The following KDM4C variants were observed in gnomAD, a reference collection of about 807,000 sequenced individuals.
KDM4C encodes the protein lysine-specific demethylase 4C.
Under a neutral mutation model 129.3 loss-of-function variants are expected in KDM4C, and 81 were observed. That is an observed-to-expected ratio of 0.63 (90% confidence interval 0.52 to 0.75). The LOEUF (loss-of-function observed/expected upper bound fraction) is 0.75. Ranked by LOEUF, KDM4C falls within the 30% of genes least tolerant of loss-of-function variation. The pLI is 0.00. For synonymous variants in KDM4C, 573 were observed against 456.1 expected (o/e 1.26, Z -3.26); for missense variants, 1,457 against 1,304.0 (o/e 1.12, Z -1.81).
intron 17 of KDM4C, among the ~76,000 whole-genome samples, chr9:7,101,721 G>T (rs559146876): frequency 6.6e-6 from 1 of 152,144 alleles, no homozygotes; most frequent in Non-Finnish European, 1.5e-5. Context: ...GGTGATGGAG[G>T]TTGGGAGATA....
chr9:7,052,092 C>T (rs1273928578), intron 17 of KDM4C, among the ~76,000 whole-genome samples: 1 of 152,172 alleles, frequency 6.6e-6, no homozygotes, highest in South Asian at 2.1e-4. Flanking sequence ...GTTGGAAGAA[C>T]TGAATTCAAG....
chr9:6,977,442 G>T (rs1335746079), intron 8 of KDM4C, among the ~76,000 whole-genome samples: 2 of 152,074 alleles, frequency 1.3e-5, no homozygotes, highest in Admixed American at 1.3e-4. Flanking sequence ...AGATTCAAGT[G>T]GATATTATTT....
chr9:6,989,907 T>G (rs952117840), intron 11 of KDM4C, among the ~76,000 whole-genome samples: 2 of 151,458 alleles, frequency 1.3e-5, no homozygotes, highest in African/African-American at 2.4e-5. Context: ...CCTGAGGACC[T>G]GGGACCACAG....
At chr9:6,871,061 T>G (rs1842761087) in intron 5 of KDM4C, among the ~76,000 whole-genome samples, 1 of 152,114 alleles carries the variant, frequency 6.6e-6, no homozygotes. Context: ...AACCATTTGT[T>G]CCTAAACACA....
At chr9:7,126,358 T>C (rs73403347) in intron 18 of KDM4C, among the ~76,000 whole-genome samples, 3,560 of 152,324 alleles carry the variant, frequency 0.023, 117 homozygotes, top group African/African-American at 0.081. Flanking sequence ...TTGTCATTTG[T>C]GTTAGTTTTT....
chr9:6,893,832 A>G (rs1846446917), intron 8 of KDM4C, among the ~76,000 whole-genome samples: 1 of 152,180 alleles, frequency 6.6e-6, no homozygotes, highest in Admixed American at 6.5e-5. Context: ...ATTTTCTTTC[A>G]CAGGCAATAA....
chr9:6,738,242 C>T (rs182066396), intron 1 of KDM4C, among the ~76,000 whole-genome samples: 78 of 152,082 alleles, frequency 5.1e-4, no homozygotes, highest in African/African-American at 1.3e-3. Context: ...TTTGGGAGGC[C>T]GAGGCAGATG....
chr9:6,969,834 C>CA (rs1392256986), intron 8 of KDM4C, among the ~76,000 whole-genome samples: 3 of 152,204 alleles, frequency 2.0e-5, no homozygotes, highest in Non-Finnish European at 4.4e-5. Context: ...TATGGGTAAA[C>CA]ATTCTCTGGA....
In KDM4C at chr9:6,854,758, G is replaced by A. The variant is rs73639382; in HGVS notation, c.629+5058G>A. ...TAAAATACTGTGTAGCAGTTAAGAA[G>A]TATCCAATTATTCAGGATAGATACA... On this transcript the variant is annotated intron_variant, in intron 5 of 21. Coordinates refer to ENST00000381309, the MANE Select transcript of KDM4C (RefSeq NM_015061.6). Among the ~76,000 whole-genome samples the A allele has an allele frequency of 3.1e-3, 467 of 152,258 alleles. 1 individual carries two copies. Among genetic ancestry groups the A allele is most frequent in the African/African-American group, 0.011 (443 of 41,546 alleles).
chr9:7,013,799 C>T lies in KDM4C; in HGVS notation c.1980C>T (p.Ser660=), dbSNP rs73399836. Residue 660 remains serine (S), a synonymous_variant, in exon 14 of 22, where the codon AGC becomes AGT. Coordinates refer to ENST00000381309, the MANE Select transcript of KDM4C (RefSeq NM_015061.6). ...GTTATGTTTTTCAGCCAGATAGCAG[C>T]AATGAAGAAAATGATGCTAGATGGG... ...LLMPYHKPDS[S]NEENDARWET... 1,189 of 1,613,652 alleles carry T rather than the reference C, an allele frequency of 7.4e-4. 10 individuals carry two copies. In the African/African-American group the frequency reaches 0.015, roughly 20 times the overall value.
At position 7,148,781 on chromosome 9, in the gene KDM4C, G is replaced by A. The variant is rs76475739; in HGVS notation, c.2782-16457G>A. ...AGTGGGTAGCTCCTATCCACAGGCA[G>A]GTAGTCCCAAGGAGTGTCTGAGTCC... On this transcript the variant is annotated intron_variant, in intron 19 of 21. Transcript: ENST00000381309. Among the ~76,000 whole-genome samples the A allele has an allele frequency of 6.5e-3, 986 of 152,352 alleles. 8 individuals carry two copies. Among genetic ancestry groups the A allele is most frequent in the South Asian group, 0.036 (176 of 4,824 alleles).
chr9:7,000,017 T>C (rs1820441505), intron 12 of KDM4C, among the ~76,000 whole-genome samples: 1 of 152,268 alleles, frequency 6.6e-6, no homozygotes, highest in African/African-American at 2.4e-5. Flanking sequence ...ACTAAGTAGA[T>C]TGGCTTGGAA....
intron 1 of KDM4C, among the ~76,000 whole-genome samples, chr9:6,783,124 G>GT (rs923703944): frequency 6.6e-6 from 1 of 152,174 alleles, no homozygotes; most frequent in Non-Finnish European, 1.5e-5. Flanking sequence ...CTGGTAAAAG[G>GT]TAGCTCCCAC....
At position 7,128,649 on chromosome 9, in the gene KDM4C, A is replaced by G. The variant is rs141613621; in HGVS notation, c.2781+413A>G. Among the ~76,000 whole-genome samples, 757 of 152,188 alleles carry G rather than the reference A, an allele frequency of 5.0e-3. 5 individuals carry two copies. Among genetic ancestry groups the G allele is most frequent in the African/African-American group, 0.017 (719 of 41,554 alleles). On this transcript the variant is annotated intron_variant, in intron 19 of 21. Coordinates refer to ENST00000381309, the MANE Select transcript of KDM4C (RefSeq NM_015061.6). Reference sequence around the variant, plus strand: ...TGCTTAACTAGAGAATGTGGCTTTGATTAATCTGACTCGACAGTGTATTTA... The same window carrying G: ...TGCTTAACTAGAGAATGTGGCTTTGGTTAATCTGACTCGACAGTGTATTTA...
chr9:6,835,042 T>G lies in KDM4C; in HGVS notation c.436-14465T>G, dbSNP rs960371566. 9 of 947,042 alleles carry G rather than the reference T, an allele frequency of 9.5e-6. No homozygotes were observed. In the African/African-American group the frequency reaches 1.4e-4, roughly 15 times the overall value. 58.7% of individuals were successfully genotyped at this position (947,042 alleles called of 1,614,324 possible). ...CATGAAGATCCTTACCGAGCGTGGC[T>G]ACAGCTTCACCACCACGGCTGAGTG... is the stretch of plus-strand genomic sequence containing the variant. On this transcript the variant is annotated intron_variant, in intron 4 of 21. Transcript: ENST00000381309.
At chr9:6,756,176 T>A (rs1818262252), upstream of KDM4C, among the ~76,000 whole-genome samples, 2 of 152,226 alleles carry the variant, frequency 1.3e-5, no homozygotes, top group African/African-American at 4.8e-5. Flanking sequence ...TTAACCGCTA[T>A]GCTTCAGTTT....
At chr9:7,099,699 G>A (rs1007643172) in intron 17 of KDM4C, among the ~76,000 whole-genome samples, 3 of 152,140 alleles carry the variant, frequency 2.0e-5, no homozygotes, top group African/African-American at 4.8e-5. Context: ...CAGTGGCCCC[G>A]CCAAGATGTG....
At chr9:7,163,855 T>G (rs968289282) in intron 19 of KDM4C, among the ~76,000 whole-genome samples, 3 of 152,180 alleles carry the variant, frequency 2.0e-5, no homozygotes, top group African/African-American at 7.2e-5. Flanking sequence ...TATTGTCAGT[T>G]CTGTAGAGCC....
intron 21 of KDM4C, among the ~76,000 whole-genome samples, chr9:7,173,847 G>A (rs10815535): frequency 0.2 from 29,833 of 152,162 alleles, 3,159 homozygotes; most frequent in Middle Eastern, 0.24. Context: ...TGCACTTACA[G>A]GCCTGAGCTG....
Sources: gnomAD v4.1 joint callset for allele counts (sites outside exome capture counted in the v4.1 genomes callset) on GRCh38, gnomAD v4.1.1 for gene constraint, MANE v1.5 for transcripts, NCBI Gene and HGNC (gene_info 2026-07-23, HGNC 2026-07-21) for gene names.